The following RAB28 variants were observed in gnomAD, a reference collection of about 807,000 sequenced individuals.
The protein encoded by RAB28 is RAB28, member RAS oncogene family.
A neutral mutation model predicts 31.7 loss-of-function variants in RAB28; 24 were observed. That is an observed-to-expected ratio of 0.76 (90% CI 0.55 to 1.06). The LOEUF (loss-of-function observed/expected upper bound fraction) is 1.06, where lower values mean the gene tolerates loss of function less well. RAB28 is among the 50% of genes least tolerant of loss of function. The pLI is 0.00. For synonymous variants in RAB28, 100 were observed against 90.4 expected (o/e 1.11, Z -0.60); for missense variants, 254 against 258.5 (o/e 0.98, Z 0.12).
intron 4 of RAB28, among the ~76,000 whole-genome samples, chr4:13,452,068 C>G (rs2108952237): frequency 6.6e-6 from 1 of 151,976 alleles, no homozygotes; most frequent in South Asian, 2.1e-4. Flanking sequence ...AAGCTCAAAA[C>G]TGTGTATAGT....
intron 4 of RAB28, among the ~76,000 whole-genome samples, chr4:13,435,017 C>CAAAAAAAAAAAAAAAAAAAAAA: frequency 2.1e-5 from 1 of 47,036 alleles, no homozygotes; most frequent in Non-Finnish European, 4.6e-5. Context: ...GACTCCGTCT[C>CAAAAAAAAAAAAAAAAAAAAAA]AAAAAAAAAA....
chr4:13,474,282 C>T (rs1175418055), intron 3 of RAB28, 36 bp downstream of exon 3: 1 of 1,374,526 alleles, frequency 7.3e-7, no homozygotes, highest in East Asian at 2.3e-5. Flanking sequence ...AAGTGGTATA[C>T]TTTCAATACT....
intron 6 of RAB28, 39 bp from the exon 7 acceptor site, chr4:13,368,689 G>A: frequency 6.5e-7 from 1 of 1,541,556 alleles, no homozygotes; most frequent in Non-Finnish European, 8.9e-7. Context: ...CAGGATATCA[G>A]AACATTTAGA....
chr4:13,371,397 A>G (rs1388291698), intron 6 of RAB28: 1 of 985,216 alleles, frequency 1.0e-6, no homozygotes, highest in African/African-American at 1.7e-5. Flanking sequence ...TGGGATTTTC[A>G]TAATCAGTAA....
chr4:13,419,921 T>C (rs1005549906), intron 4 of RAB28, among the ~76,000 whole-genome samples: 7 of 146,918 alleles, frequency 4.8e-5, no homozygotes, highest in South Asian at 2.1e-4. Context: ...CTGAAGGAAA[T>C]AGAGACACAA....
At chr4:13,390,110 T>C (rs1729559653) in intron 4 of RAB28, among the ~76,000 whole-genome samples, 1 of 152,164 alleles carries the variant, frequency 6.6e-6, no homozygotes, top group Non-Finnish European at 1.5e-5. Flanking sequence ...AAAGAGGAAG[T>C]CAAATTGTTC....
At chr4:13,408,148 T>G (rs1209406482) in intron 4 of RAB28, among the ~76,000 whole-genome samples, 1 of 152,180 alleles carries the variant, frequency 6.6e-6, no homozygotes, top group African/African-American at 2.4e-5. Context: ...GGCTGTGGGT[T>G]TGTCATAAAT....
At chr4:13,481,353 G>C (rs1271273496) in intron 1 of RAB28, among the ~76,000 whole-genome samples, 1 of 151,958 alleles carries the variant, frequency 6.6e-6, no homozygotes, top group African/African-American at 2.4e-5. Flanking sequence ...ATTGAACAGA[G>C]AATCAACTGA....
chr4:13,379,590 C>T lies in RAB28; in HGVS notation c.495+1901G>A, dbSNP rs572380797. Reference sequence around the variant, plus strand: ...GTGTTAGGATCAATGTCTTGTAGGTCTTGCTAGGGTTGAGAATGGTTGTGT... The same window carrying T: ...GTGTTAGGATCAATGTCTTGTAGGTTTTGCTAGGGTTGAGAATGGTTGTGT... On this transcript the variant is annotated intron_variant, in intron 5 of 6. Coordinates refer to ENST00000330852, the MANE Select transcript of RAB28 (RefSeq NM_001017979.3). Among the ~76,000 whole-genome samples, 4 of 152,140 alleles carry T rather than the reference C, an allele frequency of 2.6e-5. No individual in the cohort carries two copies. The East Asian group carries it at 7.7e-4, about 29-fold the overall frequency.
intron 4 of RAB28, among the ~76,000 whole-genome samples, chr4:13,420,899 T>C (rs1303916227): frequency 6.6e-6 from 1 of 152,222 alleles, no homozygotes; most frequent in Non-Finnish European, 1.5e-5. Flanking sequence ...TTGGAAGTTC[T>C]GGCCGAGCAA....
intron 3 of RAB28, among the ~76,000 whole-genome samples, chr4:13,471,743 T>C (rs1259219761): frequency 6.6e-6 from 1 of 152,056 alleles, no homozygotes; most frequent in East Asian, 1.9e-4. Flanking sequence ...GATCCATGAA[T>C]TTCTCAGAAA....
intron 4 of RAB28, among the ~76,000 whole-genome samples, chr4:13,455,973 T>A (rs142676195): frequency 1.3e-5 from 2 of 152,320 alleles, no homozygotes; most frequent in Non-Finnish European, 2.9e-5. Flanking sequence ...AGTCCATAAG[T>A]GTATTTATTA....
chr4:13,479,541 C>T lies in RAB28; in HGVS notation c.76-15G>A, dbSNP rs760218704. The T allele has an allele frequency of 7.5e-6, 11 of 1,469,472 alleles. No homozygotes were observed. In the East Asian group the frequency reaches 2.5e-4, roughly 33 times the overall value. The allele number at this position is 1,469,472 out of a possible 1,614,324, so 91.0% of individuals were successfully genotyped here. On this transcript the variant is annotated splice_polypyrimidine_tract_variant and intron_variant, in intron 1 of 6. Coordinates refer to ENST00000330852, the MANE Select transcript of RAB28 (RefSeq NM_001017979.3). ...GTTAAGGAGGTCTAAAAAATTGATG[C>T]ACAGAATGTCAAAATTAATTCATTA...
chr4:13,420,220 C>A (rs962532184), intron 4 of RAB28, among the ~76,000 whole-genome samples: 3 of 152,146 alleles, frequency 2.0e-5, no homozygotes, highest in Non-Finnish European at 4.4e-5. Context: ...GAAGCTGAAT[C>A]TCTGAATAGA....
intron 4 of RAB28, among the ~76,000 whole-genome samples, chr4:13,392,469 A>C (rs978469100): frequency 1.4e-4 from 21 of 152,296 alleles, no homozygotes; most frequent in African/African-American, 5.1e-4. Context: ...ACTTTGCATT[A>C]AGGTAAATAC....
intron 3 of RAB28, among the ~76,000 whole-genome samples, chr4:13,465,022 T>C (rs1161515038): frequency 6.6e-6 from 1 of 151,908 alleles, no homozygotes; most frequent in Non-Finnish European, 1.5e-5. Flanking sequence ...AAGAATGCCA[T>C]TGTTGGGTAC....
chr4:13,462,012 C>G (rs1302329276), intron 3 of RAB28, among the ~76,000 whole-genome samples: 2 of 152,188 alleles, frequency 1.3e-5, no homozygotes, highest in Non-Finnish European at 2.9e-5. Flanking sequence ...GAACCAAAGA[C>G]TAAATAATTA....
At chr4:13,409,094 T>A (rs1020355759) in intron 4 of RAB28, among the ~76,000 whole-genome samples, 25 of 152,162 alleles carry the variant, frequency 1.6e-4, no homozygotes, top group African/African-American at 6.0e-4. Context: ...AAATAAAGCA[T>A]TATACTAAAA....
chr4:13,394,142 A>G (rs1266963799), intron 4 of RAB28, among the ~76,000 whole-genome samples: 3 of 152,174 alleles, frequency 2.0e-5, no homozygotes, highest in Admixed American at 1.3e-4. Context: ...AGGAGTAGGA[A>G]TCAGGATAGC....
Sources: gnomAD v4.1 joint callset for allele counts (sites outside exome capture counted in the v4.1 genomes callset) on GRCh38, gnomAD v4.1.1 for gene constraint, MANE v1.5 for transcripts, NCBI Gene and HGNC (gene_info 2026-07-23, HGNC 2026-07-21) for gene names.